The following RNFT2 variants were observed in gnomAD, a reference collection of about 807,000 sequenced individuals.
The protein encoded by RNFT2 is E3 ubiquitin-protein ligase RNFT2.
A neutral mutation model predicts 53.0 loss-of-function variants in RNFT2; 36 were observed. The ratio of observed to expected loss-of-function variants is 0.68; its 90% CI spans 0.52 to 0.90. The LOEUF is 0.90. RNFT2 is among the 40% of genes least tolerant of loss of function. The pLI is 0.00. For synonymous variants in RNFT2, 260 were observed against 253.2 expected, an observed-to-expected ratio of 1.03 and a Z score of -0.26; for missense variants, 514 against 585.6, an observed-to-expected ratio of 0.88 and a Z score of 1.26.
At chr12:116,833,739 G>T (rs1876808128) in intron 7 of RNFT2, 53 bp from the exon 8 acceptor site, 1 of 1,603,032 alleles carries the variant, frequency 6.2e-7, no homozygotes, top group South Asian at 1.1e-5. Context: ...CCCCAGCTGG[G>T]TCCTTTGGGT....
At chr12:116,809,275 T>C (rs1875243464) in intron 7 of RNFT2, among the ~76,000 whole-genome samples, 2 of 152,146 alleles carry the variant, frequency 1.3e-5, no homozygotes, top group South Asian at 4.1e-4. Flanking sequence ...CATCAGAGGT[T>C]GCGTTTGAAC....
chr12:116,763,604 TAA>T (rs199921921), intron 5 of RNFT2, among the ~76,000 whole-genome samples: 1 of 81,898 alleles, frequency 1.2e-5, no homozygotes. Flanking sequence ...CCATCTCAGT[TAA>T]AAAAAAAAAT....
At chr12:116,795,745 C>A (rs1874472855) in intron 7 of RNFT2, among the ~76,000 whole-genome samples, 1 of 152,132 alleles carries the variant, frequency 6.6e-6, no homozygotes, top group Non-Finnish European at 1.5e-5. Flanking sequence ...TCCCTAAGAA[C>A]TCTCTACAAG....
intron 7 of RNFT2, among the ~76,000 whole-genome samples, chr12:116,832,678 A>G (rs1246383857): frequency 6.6e-6 from 1 of 152,196 alleles, no homozygotes; most frequent in Non-Finnish European, 1.5e-5. Context: ...GGCCACAGAA[A>G]GCTTCAGGGA....
chr12:116,740,396 G>A lies in RNFT2; in HGVS notation c.-102G>A. ...GACTGTGCATCCCTCTGGAGACGAA[G>A]AGGAGGGGGAGGCCTGTCCTCTCTG... On this transcript the variant is annotated 5_prime_UTR_variant, in exon 2 of 11. Coordinates refer to ENST00000257575, the MANE Select transcript of RNFT2 (RefSeq NM_001382266.1). The A allele has an allele frequency of 1.7e-6, 2 of 1,181,788 alleles. No individual in the cohort carries two copies. Among genetic ancestry groups the A allele is most frequent in the Non-Finnish European group, 2.5e-6 (2 of 813,384 alleles). The allele number at this position is 1,181,788 out of a possible 1,614,324, so 73.2% of individuals were successfully genotyped here.
intron 5 of RNFT2, among the ~76,000 whole-genome samples, chr12:116,763,783 A>G (rs145950975): frequency 0.027 from 3,861 of 143,456 alleles, 81 homozygotes; most frequent in African/African-American, 0.06. Context: ...CATCTCAAAA[A>G]AAAAAGGGGG....
intron 7 of RNFT2, among the ~76,000 whole-genome samples, chr12:116,816,483 G>A (rs1429760260): frequency 1.3e-5 from 2 of 152,226 alleles, no homozygotes; most frequent in Non-Finnish European, 2.9e-5. Context: ...GAAGAGCAGA[G>A]AGAGGATCTT....
intron 7 of RNFT2, among the ~76,000 whole-genome samples, chr12:116,786,223 G>A (rs924424110): frequency 6.6e-6 from 1 of 151,686 alleles, no homozygotes; most frequent in African/African-American, 2.4e-5. Flanking sequence ...CCAGGTTCAA[G>A]GTATTCTCCT....
At chr12:116,767,053 T>TTA (rs199815064) in intron 6 of RNFT2, 139 bp downstream of exon 6, 11,767 of 604,412 alleles carry the variant, frequency 0.019, 181 homozygotes, top group Middle Eastern at 0.041. Flanking sequence ...CTGTTACTAC[T>TTA]TATATATATC....
At position 116,853,464 on chromosome 12, in the gene RNFT2, G is replaced by A; in HGVS notation, c.*4016G>A. The A allele has an allele frequency of 5.8e-6, 2 of 346,180 alleles. No individual in the cohort carries two copies. The highest frequency in any genetic ancestry group is 1.0e-5 in the Non-Finnish European group (2 of 193,564). 21.4% of individuals were successfully genotyped at this position (346,180 alleles called of 1,614,324 possible). On this transcript the variant is annotated 3_prime_UTR_variant, in exon 11 of 11. Transcript: ENST00000257575. ...GGAAGAGAAGAATGATGTGCAGAGTGTTAGGAAGACATCCGGGCTGCTGAG... is the reference window on the plus strand; with the variant it reads ...GGAAGAGAAGAATGATGTGCAGAGTATTAGGAAGACATCCGGGCTGCTGAG...
chr12:116,842,178 T>A (rs1877377857), intron 10 of RNFT2, among the ~76,000 whole-genome samples: 1 of 151,630 alleles, frequency 6.6e-6, no homozygotes, highest in South Asian at 2.1e-4. Flanking sequence ...AGTTCCTCAC[T>A]GGCTCTTGTG....
chr12:116,797,558 T>C (rs1459920745), intron 7 of RNFT2, among the ~76,000 whole-genome samples: 1 of 151,064 alleles, frequency 6.6e-6, no homozygotes, highest in African/African-American at 2.4e-5. Flanking sequence ...AAAAAAGTTA[T>C]TAAGTTAGAG....
At chr12:116,752,781 G>A (rs943274863) in intron 4 of RNFT2, among the ~76,000 whole-genome samples, 5 of 152,170 alleles carry the variant, frequency 3.3e-5, no homozygotes, top group Non-Finnish European at 7.3e-5. Flanking sequence ...GGGAGGCTGA[G>A]GCACAAGAAT....
intron 7 of RNFT2, among the ~76,000 whole-genome samples, chr12:116,807,999 G>A (rs555573307): frequency 6.4e-4 from 98 of 152,086 alleles, no homozygotes; most frequent in Middle Eastern, 3.4e-3. Context: ...AGACAGTTTC[G>A]CTCTTGTTGC....
chr12:116,750,417 C>T, intron 4 of RNFT2, 110 bp downstream of exon 4: 1 of 1,007,662 alleles, frequency 9.9e-7, no homozygotes, highest in Non-Finnish European at 1.5e-6. Flanking sequence ...CAGCAGAGAC[C>T]AACATGGGCT....
intron 7 of RNFT2, among the ~76,000 whole-genome samples, chr12:116,819,207 G>T (rs566523565): frequency 6.6e-6 from 1 of 152,364 alleles, no homozygotes; most frequent in Admixed American, 6.5e-5. Context: ...TCTTCGGGGT[G>T]AAATGTCCAA....
At chr12:116,769,030 C>T (rs1236320223) in intron 6 of RNFT2, among the ~76,000 whole-genome samples, 2 of 152,228 alleles carry the variant, frequency 1.3e-5, no homozygotes, top group East Asian at 1.9e-4. Context: ...AGTGCCCACC[C>T]ATTGTCATTT....
intron 7 of RNFT2, among the ~76,000 whole-genome samples, chr12:116,828,306 G>A (rs528963410): frequency 1.3e-3 from 192 of 152,298 alleles, no homozygotes; most frequent in Non-Finnish European, 2.1e-3. Flanking sequence ...ATTTCAGGAG[G>A]TCTGGGGTGA....
Position 116,779,405 on chromosome 12 carries a change from T to C in RNFT2, c.882+57T>C. The C allele has an allele frequency of 1.9e-6, 3 of 1,588,290 alleles. No homozygotes were observed. In the Admixed American group the frequency reaches 5.1e-5, roughly 27 times the overall value. On this transcript the variant is annotated intron_variant, in intron 7 of 10. Coordinates refer to ENST00000257575, the MANE Select transcript of RNFT2 (RefSeq NM_001382266.1). ...CAGTCACATGGATCATGCAGAGGAT[T>C]CAGGGTGCCTTCTGAGGAGGAAAGA... is the stretch of plus-strand genomic sequence containing the variant.
Sources: allele counts gnomAD v4.1 joint callset (sites outside exome capture counted in the v4.1 genomes callset), GRCh38; gene constraint gnomAD v4.1.1; transcripts MANE v1.5; gene names NCBI Gene and HGNC (gene_info 2026-07-23, HGNC 2026-07-21).